The following IL31RA variants were observed in gnomAD, a reference collection of about 807,000 sequenced individuals.
The protein encoded by IL31RA is interleukin-31 receptor subunit alpha.
A neutral mutation model predicts 83.7 loss-of-function variants in IL31RA; 66 were observed. That is an observed-to-expected ratio of 0.79 (90% CI 0.65 to 0.97). The LOEUF is 0.97. Ranked by LOEUF, IL31RA falls within the 50% of genes least tolerant of loss-of-function variation. The pLI is 0.00. For synonymous variants in IL31RA, 325 were observed against 329.0 expected (o/e 0.99, Z 0.13); for missense variants, 798 against 919.4 (o/e 0.87, Z 1.71).
intron 2 of IL31RA, among the ~76,000 whole-genome samples, chr5:55,860,069 A>G (rs1157557702): frequency 6.6e-6 from 1 of 152,274 alleles, no homozygotes; most frequent in Middle Eastern, 3.4e-3. Context: ...ACAATTTACT[A>G]TAATAAAAGT....
rs540066447 is a variant in IL31RA at position 55,862,702 on chromosome 5, C to T, written c.154+3103C>T. Among the ~76,000 whole-genome samples the T allele has an allele frequency of 1.3e-5, 2 of 152,298 alleles. 1 individual carries two copies. Among genetic ancestry groups the T allele is most frequent in the African/African-American group, 4.8e-5 (2 of 41,572 alleles). On this transcript the variant is annotated intron_variant, in intron 2 of 14. Coordinates refer to ENST00000652347, the MANE Select transcript of IL31RA (RefSeq NM_139017.7). ...GATTACAGGTGTGAGCCACTATGCT[C>T]AGCCTGAATGACTTCTTCCTATTCC... is the stretch of plus-strand genomic sequence containing the variant.
rs1750148232 is a variant in IL31RA, at chr5:55,922,684, A to G, written c.*5564A>G. The G allele has an allele frequency of 2.0e-6, 1 of 493,024 alleles. No homozygotes were observed. Among genetic ancestry groups the G allele is most frequent in the Non-Finnish European group, 3.6e-6 (1 of 280,692 alleles). The allele number at this position is 493,024 out of a possible 1,614,324, so 30.5% of individuals were successfully genotyped here. ...GGAACAGCTTTTAAAATGCTTTTGT[A>G]TTTGGGCCTTTCATACAAAAAAGCC... On this transcript the variant is annotated 3_prime_UTR_variant, in exon 15 of 15. Transcript: ENST00000652347.
At chr5:55,904,429 TG>T (rs1399960223) in intron 8 of IL31RA, among the ~76,000 whole-genome samples, 3 of 152,166 alleles carry the variant, frequency 2.0e-5, no homozygotes, top group African/African-American at 7.2e-5. Context: ...CAGCCAGGAC[TG>T]GCTGGGTATG....
intron 3 of IL31RA, 33 bp downstream of exon 3, chr5:55,868,941 G>C: frequency 8.7e-7 from 1 of 1,154,328 alleles, no homozygotes. Flanking sequence ...TATCAGTCAG[G>C]GCATGGGGGA....
At chr5:55,846,722 G>A (rs1340735100), upstream of IL31RA, among the ~76,000 whole-genome samples, 7 of 152,030 alleles carry the variant, frequency 4.6e-5, no homozygotes, top group African/African-American at 7.3e-5. Context: ...GCTTGAACCC[G>A]GGCAAAGTTC....
At chr5:55,896,173 C>A (rs1466421424) in intron 6 of IL31RA, among the ~76,000 whole-genome samples, 177 bp from the exon 7 acceptor site, 2 of 152,136 alleles carry the variant, frequency 1.3e-5, no homozygotes, top group Non-Finnish European at 2.9e-5. Flanking sequence ...GATTCCAGTT[C>A]CTTGACCACA....
chr5:55,889,784 T>C (rs1452432684), intron 5 of IL31RA, among the ~76,000 whole-genome samples, 186 bp from the exon 6 acceptor site: 1 of 152,242 alleles, frequency 6.6e-6, no homozygotes, highest in Non-Finnish European at 1.5e-5. Flanking sequence ...GGGATGTTCA[T>C]ATCTGTGTAG....
Position 55,875,030 on chromosome 5 carries a change from T to C in IL31RA, c.454+2579T>C, listed in dbSNP as rs148202156. The stretch of plus-strand genomic sequence containing the variant: ...GGGTTTGGTAGATACCCATTGCACA[T>C]TGAGAAAATTTCCTTCCACTCATAG... On this transcript the variant is annotated intron_variant, in intron 4 of 14. Transcript: ENST00000652347. Among the ~76,000 whole-genome samples, 374 of 152,288 alleles carry C rather than the reference T, an allele frequency of 2.5e-3. 6 individuals are homozygous for C. Among genetic ancestry groups the C allele is most frequent in the African/African-American group, 8.3e-3 (347 of 41,574 alleles).
intron 6 of IL31RA, 93 bp from the exon 7 acceptor site, chr5:55,896,257 A>T (rs920626793): frequency 1.2e-6 from 1 of 856,314 alleles, no homozygotes; most frequent in Admixed American, 1.7e-5. Context: ...GGCTCCCTCA[A>T]GCAAATCCTT....
chr5:55,873,348 T>C (rs1746650226), intron 4 of IL31RA, among the ~76,000 whole-genome samples: 1 of 152,196 alleles, frequency 6.6e-6, no homozygotes. Context: ...TTGATTATTA[T>C]GAATAATGTT....
rs1051741161 is a variant in IL31RA at position 55,903,621 on chromosome 5, G to A, written c.1070-2485G>A. ...TCTCTGCAGTGCACTTGGCGCTTTAGACCCGGATCTCCCTGCTCCTCAGAG... is the reference window on the plus strand; with the variant it reads ...TCTCTGCAGTGCACTTGGCGCTTTAAACCCGGATCTCCCTGCTCCTCAGAG... On this transcript the variant is annotated intron_variant, in intron 8 of 14. Transcript: ENST00000652347. This position sits in a 1 kb window ranked among gnomAD's most constrained non-coding sequence, Gnocchi z 4.7. Among the ~76,000 whole-genome samples the A allele has an allele frequency of 6.6e-6, 1 of 152,230 alleles. No individual in the cohort carries two copies. The highest frequency in any genetic ancestry group is 1.5e-5 in the Non-Finnish European group (1 of 68,038).
chr5:55,906,397 A>G, intron 9 of IL31RA, 109 bp downstream of exon 9: 1 of 1,039,056 alleles, frequency 9.6e-7, no homozygotes, highest in Non-Finnish European at 1.5e-6. Context: ...GGTTAATAGC[A>G]TTTGTCAAGC....
At position 55,903,186 on chromosome 5, in the gene IL31RA, CG is replaced by C. The variant is rs1748930148; in HGVS notation, c.1070-2918del. 6.6e-6 allele frequency among the ~76,000 whole-genome samples: 1 copy of C among 152,080 alleles called. No individual in the cohort carries two copies. The highest frequency in any genetic ancestry group is 6.5e-5 in the Admixed American group (1 of 15,276). On this transcript the variant is annotated intron_variant, in intron 8 of 14. Transcript: ENST00000652347. This position sits in a 1 kb window ranked among gnomAD's most constrained non-coding sequence, Gnocchi z 4.7. ...GGTGGCGTGGTCCCAGGCAGGGCAT[CG>C]GAAAGCCCGGCCACTGTGTCATAAG...
intron 4 of IL31RA, among the ~76,000 whole-genome samples, chr5:55,875,798 A>T (rs1326897136): frequency 2.0e-5 from 3 of 152,196 alleles, no homozygotes; most frequent in Non-Finnish European, 2.9e-5. Context: ...CTATTTAAAT[A>T]TTCTGTAATT....
chr5:55,863,274 C>G (rs1745798709), intron 2 of IL31RA, among the ~76,000 whole-genome samples: 1 of 152,208 alleles, frequency 6.6e-6, no homozygotes, highest in Non-Finnish European at 1.5e-5. Flanking sequence ...TTGTTAAATT[C>G]CTCCTCCAAG....
chr5:55,871,047 T>C (rs1189058022), intron 3 of IL31RA, among the ~76,000 whole-genome samples: 1 of 152,254 alleles, frequency 6.6e-6, no homozygotes, highest in East Asian at 1.9e-4. Context: ...AAGTGCCTTA[T>C]GTGTATTAGC....
intron 2 of IL31RA, among the ~76,000 whole-genome samples, chr5:55,866,995 G>A (rs34392699): frequency 0.75 from 113,612 of 151,606 alleles, 43,169 homozygotes; most frequent in Middle Eastern, 0.82. Context: ...GATCTTTCCA[G>A]AGGCTCAACA....
intron 4 of IL31RA, among the ~76,000 whole-genome samples, chr5:55,882,468 G>A (rs958776200): frequency 1.3e-5 from 2 of 152,086 alleles, no homozygotes; most frequent in Admixed American, 1.3e-4. Flanking sequence ...TAACAAAATG[G>A]TAATAAGGGT....
rs1561112516 is a variant in IL31RA, at chr5:55,900,096, G to A, written c.1033G>A (p.Val345Met). ...TTATAATTCTCTTGGGAAGTCTCCA[G>A]TGGCCACCCTGAGGATTCCAGCTAT... is the stretch of plus-strand genomic sequence containing the variant. Reference protein sequence around the residue: ...ISYNSLGKSPVATLRIPAIQE... With the variant: ...ISYNSLGKSPMATLRIPAIQE... Residue 345 changes from valine (V) to methionine (M), a missense_variant, in exon 8 of 15, where the codon GTG becomes ATG. By Grantham distance (21) the Val-to-Met change is conservative (BLOSUM62 1). Coordinates refer to ENST00000652347, the MANE Select transcript of IL31RA (RefSeq NM_139017.7). 6.2e-7 allele frequency: 1 copy of A among 1,614,090 alleles called. No homozygotes were observed. The highest frequency in any genetic ancestry group is 8.5e-7 in the Non-Finnish European group (1 of 1,179,936).
Sources: gnomAD v4.1 joint callset for allele counts (sites outside exome capture counted in the v4.1 genomes callset) on GRCh38, gnomAD v4.1.1 for gene constraint, Gnocchi (gnomAD v3.1) non-coding constraint, MANE v1.5 for transcripts, NCBI Gene and HGNC (gene_info 2026-07-23, HGNC 2026-07-21) for gene names.